Variants in SLC35F1 observed in about 807,000 individuals in gnomAD.
The protein encoded by SLC35F1 is solute carrier family 35 member F1.
A neutral mutation model predicts 48.7 loss-of-function variants in SLC35F1; 14 were observed. The ratio of observed to expected loss-of-function variants is 0.29; its 90% CI spans 0.19 to 0.45. The LOEUF is 0.45. Among genes scored for constraint, SLC35F1 ranks in the 20% least tolerant of loss-of-function variants. The probability of loss-of-function intolerance (pLI) is 1.00; values close to 1 mark genes in which losing one functional copy is unlikely to be tolerated. For synonymous variants in SLC35F1, 190 were observed against 202.2 expected (o/e 0.94, Z 0.51); for missense variants, 404 against 500.0 (o/e 0.81, Z 1.83).
intron 7 of SLC35F1, among the ~76,000 whole-genome samples, chr6:118,302,615 G>C (rs931596284): frequency 2.6e-5 from 4 of 152,102 alleles, no homozygotes; most frequent in Non-Finnish European, 4.4e-5. Flanking sequence ...TCTAGATTTT[G>C]AGGGCAAAAA....
rs1328888855 is a variant in SLC35F1, at chr6:118,315,271, T to C, written c.*1019T>C. 6.6e-6 allele frequency: 1 copy of C among 152,610 alleles called. No homozygotes were observed. The highest frequency in any genetic ancestry group is 1.5e-5 in the Non-Finnish European group (1 of 68,026). 9.5% of individuals were successfully genotyped at this position (152,610 alleles called of 1,614,324 possible). A position where few individuals can be genotyped will look rare whatever the true frequency, so the allele number is the denominator to read the frequency against. ...CTTTATTGTGGAAAATCATTGGTTG[T>C]GCCACCTCCTAACAAAGTCAAGGTG... On this transcript the variant is annotated 3_prime_UTR_variant, in exon 8 of 8. Coordinates refer to ENST00000360388, the MANE Select transcript of SLC35F1 (RefSeq NM_001029858.4).
At chr6:118,254,026 C>G (rs1424188631) in intron 3 of SLC35F1, among the ~76,000 whole-genome samples, 1 of 151,858 alleles carries the variant, frequency 6.6e-6, no homozygotes, top group African/African-American at 2.4e-5. Flanking sequence ...GGAGCAAAGC[C>G]TCAGAGACAG....
intron 1 of SLC35F1, among the ~76,000 whole-genome samples, chr6:117,931,046 T>C: frequency 6.6e-6 from 1 of 152,170 alleles, no homozygotes; most frequent in East Asian, 1.9e-4. Flanking sequence ...AGAGATGTTT[T>C]GAGAATATAT....
intron 1 of SLC35F1, among the ~76,000 whole-genome samples, chr6:118,069,684 G>A (rs1280934660): frequency 6.6e-6 from 1 of 152,136 alleles, no homozygotes; most frequent in African/African-American, 2.4e-5. Flanking sequence ...ACTATTCTTT[G>A]CAGCAGAAAT....
intron 7 of SLC35F1, among the ~76,000 whole-genome samples, chr6:118,313,305 CAT>C (rs1776392394): frequency 6.6e-6 from 1 of 152,154 alleles, no homozygotes; most frequent in Admixed American, 6.5e-5. Context: ...TTTCCAAAAA[CAT>C]ATGTAAATTC....
chr6:118,154,590 G>T lies in SLC35F1; in HGVS notation c.319G>T (p.Val107Phe). 1.2e-6 allele frequency: 2 copies of T among 1,613,396 alleles called. No homozygotes were observed. Among genetic ancestry groups the T allele is most frequent in the East Asian group, 4.5e-5 (2 of 44,848 alleles). Reference sequence around the variant, plus strand: ...CCTCAATTACATTCTTCTCTTCTTGGTCTATACCACCACACTAGCCGTCAG... The same window carrying T: ...CCTCAATTACATTCTTCTCTTCTTGTTCTATACCACCACACTAGCCGTCAG... ...SFLNYILLFL[V>F]YTTTLAVRQG... The change falls in exon 2 of 8, where the codon GTC (valine) becomes TTC (phenylalanine). Residue 107 changes from valine (V) to phenylalanine (F), a missense_variant. Val to Phe is a conservative substitution (Grantham distance 50). Transcript: ENST00000360388.
At chr6:118,267,453 G>A (rs191668758) in intron 4 of SLC35F1, among the ~76,000 whole-genome samples, 81 of 152,296 alleles carry the variant, frequency 5.3e-4, no homozygotes, top group African/African-American at 1.9e-3. Flanking sequence ...ATGTTTTGGA[G>A]GTCAGTCCGT....
At chr6:118,127,937 C>G (rs1466128750) in intron 1 of SLC35F1, among the ~76,000 whole-genome samples, 1 of 152,132 alleles carries the variant, frequency 6.6e-6, no homozygotes, top group African/African-American at 2.4e-5. Context: ...TATCCAGAAT[C>G]TACAAAGAAC....
At chr6:118,126,195 A>G (rs1773621941) in intron 1 of SLC35F1, among the ~76,000 whole-genome samples, 1 of 152,224 alleles carries the variant, frequency 6.6e-6, no homozygotes, top group African/African-American at 2.4e-5. Context: ...AAGGAAAGAT[A>G]CAAACAGTGC....
chr6:117,999,062 G>A (rs538055977), intron 1 of SLC35F1: 32 of 1,507,130 alleles, frequency 2.1e-5, no homozygotes, highest in Admixed American at 1.2e-4. Flanking sequence ...ACAAAGATAC[G>A]AATCTCTTAA....
At chr6:118,029,453 ATTG>A (rs1277196718) in intron 1 of SLC35F1, among the ~76,000 whole-genome samples, 1 of 152,142 alleles carries the variant, frequency 6.6e-6, no homozygotes, top group African/African-American at 2.4e-5. Flanking sequence ...ATTATAAGTT[ATTG>A]TTGTTAATCT....
intron 4 of SLC35F1, among the ~76,000 whole-genome samples, chr6:118,271,248 C>T (rs2114625738): frequency 6.6e-6 from 1 of 152,208 alleles, no homozygotes; most frequent in East Asian, 1.9e-4. Context: ...AGAAGATAAG[C>T]AATATGTTTA....
At chr6:118,249,343 A>T (rs12110516) in intron 3 of SLC35F1, among the ~76,000 whole-genome samples, 2,081 of 152,280 alleles carry the variant, frequency 0.014, 34 homozygotes, top group African/African-American at 0.036. Context: ...TGTGGTTACT[A>T]AGGTGCCAAT....
intron 1 of SLC35F1, among the ~76,000 whole-genome samples, chr6:117,927,310 C>T (rs1776041358): frequency 6.6e-6 from 1 of 152,192 alleles, no homozygotes; most frequent in African/African-American, 2.4e-5. Context: ...ACATGAAAAT[C>T]ACAAAGTGTA....
At chr6:117,927,452 T>C (rs915843032) in intron 1 of SLC35F1, among the ~76,000 whole-genome samples, 6 of 152,118 alleles carry the variant, frequency 3.9e-5, no homozygotes, top group African/African-American at 1.4e-4. Flanking sequence ...GCAGAAGGTG[T>C]GCTTATTTTT....
intron 1 of SLC35F1, among the ~76,000 whole-genome samples, chr6:118,099,283 A>G (rs1276215205): frequency 1.3e-5 from 2 of 152,238 alleles, no homozygotes; most frequent in African/African-American, 4.8e-5. Context: ...GTGAAAACAA[A>G]TTGCTAGACA....
In SLC35F1 at chr6:117,954,519, A is replaced by G. The variant is rs534843345; in HGVS notation, c.173+46620A>G. ...GGTGAGCCACCTGTCTCCATCTCCCAAAGTGCTGAGATTACAGGCGTGAGC... is the reference window on the plus strand; with the variant it reads ...GGTGAGCCACCTGTCTCCATCTCCCGAAGTGCTGAGATTACAGGCGTGAGC... On this transcript the variant is annotated intron_variant, in intron 1 of 7. Coordinates refer to ENST00000360388, the MANE Select transcript of SLC35F1 (RefSeq NM_001029858.4). 7.2e-5 allele frequency among the ~76,000 whole-genome samples: 11 copies of G among 152,312 alleles called. No individual in the cohort carries two copies. In the South Asian group the frequency reaches 2.3e-3, roughly 32 times the overall value.
At position 118,134,148 on chromosome 6, in the gene SLC35F1, A is replaced by C. The variant is rs370137157; in HGVS notation, c.174-20297A>C. 5.3e-5 allele frequency among the ~76,000 whole-genome samples: 8 copies of C among 152,336 alleles called. No individual in the cohort carries two copies. In the East Asian group the frequency reaches 5.8e-4, roughly 11 times the overall value. ...CAAGAGAAACAGAAAACAGCACATCAGAAAAAGGAGAAACTGCCTGTGCAG... is the reference window on the plus strand; with the variant it reads ...CAAGAGAAACAGAAAACAGCACATCCGAAAAAGGAGAAACTGCCTGTGCAG... On this transcript the variant is annotated intron_variant, in intron 1 of 7. Transcript: ENST00000360388.
intron 1 of SLC35F1, among the ~76,000 whole-genome samples, chr6:118,039,936 A>G (rs1342004228): frequency 6.6e-6 from 1 of 151,120 alleles, no homozygotes; most frequent in Non-Finnish European, 1.5e-5. Context: ...TTGGTTTTAA[A>G]CAACTAACTT....
Sources: allele counts gnomAD v4.1 joint callset (sites outside exome capture counted in the v4.1 genomes callset), GRCh38; gene constraint gnomAD v4.1.1; transcripts MANE v1.5; gene names NCBI Gene and HGNC (gene_info 2026-07-23, HGNC 2026-07-21).